DLGAP1: variants seen among roughly 807,000 people sequenced by gnomAD.
DLGAP1 encodes disks large-associated protein 1.
Under a neutral mutation model 90.8 loss-of-function variants are expected in DLGAP1, and 11 were observed. The ratio of observed to expected loss-of-function variants is 0.12; its 90% confidence interval spans 0.08 to 0.20. DLGAP1 has a LOEUF of 0.20. Among genes scored for constraint, DLGAP1 ranks in the 10% least tolerant of loss-of-function variants. DLGAP1 has a pLI of 1.00. For synonymous variants in DLGAP1, 558 were observed against 540.7 expected (o/e 1.03, Z -0.44); for missense variants, 1,050 against 1,333.8 (o/e 0.79, Z 3.31).
intron 5 of DLGAP1, among the ~76,000 whole-genome samples, chr18:3,802,242 CA>C (rs2066339919): frequency 6.7e-6 from 1 of 149,532 alleles, no homozygotes; most frequent in African/African-American, 2.5e-5. Flanking sequence ...CTCGGCCTCC[CA>C]AAGTGTTGGG....
chr18:3,694,930 G>GTTTTTT (rs894181264), intron 7 of DLGAP1, among the ~76,000 whole-genome samples: 1 of 128,028 alleles, frequency 7.8e-6, no homozygotes, highest in Non-Finnish European at 1.7e-5. Context: ...TGCTTTTGGT[G>GTTTTTT]TTTTTTTTGT....
intron 3 of DLGAP1, among the ~76,000 whole-genome samples, chr18:3,932,833 A>G (rs1228435160): frequency 1.3e-5 from 2 of 152,218 alleles, no homozygotes; most frequent in Non-Finnish European, 2.9e-5. Flanking sequence ...TTCAAGAAAG[A>G]AAAAGAATCA....
At chr18:3,814,330 C>A in intron 4 of DLGAP1, 57 bp from the exon 5 acceptor site, 269 of 1,241,232 alleles carry the variant, frequency 2.2e-4, no homozygotes, top group Non-Finnish European at 2.8e-4. Context: ...TTTTTCTTTT[C>A]TTTTTCTTTT....
intron 1 of DLGAP1, among the ~76,000 whole-genome samples, chr18:4,152,247 T>C (rs2076686532): frequency 1.3e-5 from 2 of 152,332 alleles, no homozygotes; most frequent in South Asian, 4.1e-4. Context: ...TATTAAAATA[T>C]TGTCAGAAGG....
intron 8 of DLGAP1, among the ~76,000 whole-genome samples, chr18:3,575,781 GC>G (rs551622092): frequency 9.9e-5 from 15 of 151,984 alleles, no homozygotes; most frequent in Admixed American, 9.2e-4. Context: ...TCCCCACAAT[GC>G]CCCCATCACC....
chr18:4,168,044 T>A (rs749277572), intron 1 of DLGAP1, among the ~76,000 whole-genome samples: 2 of 152,206 alleles, frequency 1.3e-5, no homozygotes, highest in Non-Finnish European at 2.9e-5. Flanking sequence ...ATGCAATTCC[T>A]ATCAAAATCT....
chr18:3,804,048 C>A (rs1370793546), intron 5 of DLGAP1, among the ~76,000 whole-genome samples: 1 of 145,366 alleles, frequency 6.9e-6, no homozygotes, highest in Non-Finnish European at 1.5e-5. Flanking sequence ...GGCTAGGGTA[C>A]AGTGGCAAGA....
chr18:4,279,607 A>T (rs930429976), intron 1 of DLGAP1, among the ~76,000 whole-genome samples: 1 of 152,210 alleles, frequency 6.6e-6, no homozygotes, highest in Admixed American at 6.5e-5. Flanking sequence ...CTGCGTGCCT[A>T]TATGTCCAAT....
intron 1 of DLGAP1, among the ~76,000 whole-genome samples, chr18:4,412,913 C>T (rs1334193621): frequency 2.0e-5 from 3 of 152,176 alleles, no homozygotes; most frequent in Non-Finnish European, 4.4e-5. Flanking sequence ...GGCAATGCTG[C>T]GATGCTCAGT....
At chr18:4,027,611 C>T (rs1281366760) in intron 2 of DLGAP1, among the ~76,000 whole-genome samples, 1 of 149,878 alleles carries the variant, frequency 6.7e-6, no homozygotes, top group African/African-American at 2.5e-5. Context: ...GGGGCATGGT[C>T]AGGATGCAAA....
chr18:4,085,371 C>T (rs533080221), intron 2 of DLGAP1, among the ~76,000 whole-genome samples: 1 of 152,316 alleles, frequency 6.6e-6, no homozygotes, highest in Admixed American at 6.5e-5. Flanking sequence ...GAATCTGCTT[C>T]CTTTTCAGCA....
chr18:3,547,661 A>G (rs1219239490), intron 9 of DLGAP1, among the ~76,000 whole-genome samples: 1 of 152,136 alleles, frequency 6.6e-6, no homozygotes, highest in East Asian at 1.9e-4. Context: ...ACCCTCATAC[A>G]TTGTTGGTGG....
At chr18:4,034,871 C>G (rs1029724426) in intron 2 of DLGAP1, among the ~76,000 whole-genome samples, 1 of 151,938 alleles carries the variant, frequency 6.6e-6, no homozygotes, top group Non-Finnish European at 1.5e-5. Flanking sequence ...CAGACTCTAA[C>G]TACTTTCCCC....
At chr18:4,409,067 A>G (rs898028126) in intron 1 of DLGAP1, among the ~76,000 whole-genome samples, 1 of 152,000 alleles carries the variant, frequency 6.6e-6, no homozygotes, top group African/African-American at 2.4e-5. Flanking sequence ...ATTTAAATAA[A>G]TTATAATATT....
At chr18:4,414,718 T>A (rs2082853647) in intron 1 of DLGAP1, among the ~76,000 whole-genome samples, 2 of 61,694 alleles carry the variant, frequency 3.2e-5, no homozygotes. Flanking sequence ...AGAGCAAGAC[T>A]CTGTCAAAAA....
chr18:4,197,761 C>A (rs1248816615), intron 1 of DLGAP1, among the ~76,000 whole-genome samples: 1 of 152,094 alleles, frequency 6.6e-6, no homozygotes, highest in Admixed American at 6.5e-5. Flanking sequence ...CTTTAGGAAT[C>A]ATTTATCTGC....
rs369792105 is a variant in DLGAP1 at position 4,335,820 on chromosome 18, G to A, written c.-267+119186C>T. 3.1e-4 allele frequency among the ~76,000 whole-genome samples: 47 copies of A among 152,202 alleles called. 1 individual carries two copies. In the South Asian group the frequency reaches 6.8e-3, roughly 22 times the overall value. Reference sequence around the variant, plus strand: ...CAATGTCACAGAATTGAAAGACTGCGTTAGAAAAAAAAGTGTGCACTCTAC... The same window carrying A: ...CAATGTCACAGAATTGAAAGACTGCATTAGAAAAAAAAGTGTGCACTCTAC... On this transcript the variant is annotated intron_variant, in intron 1 of 12. Transcript: ENST00000315677.
Position 3,610,882 on chromosome 18 carries a change from C to CTT in DLGAP1, c.1592-28636_1592-28635dup, listed in dbSNP as rs368972569. Among the ~76,000 whole-genome samples the CTT allele has an allele frequency of 5.5e-3, 799 of 145,638 alleles. 6 individuals carry two copies. The highest frequency in any genetic ancestry group is 0.017 in the African/African-American group (689 of 39,776). ...GGTATAAAAGTATTAACTGTATGGT[C>CTT]TTTTTTTTTTTTGAGTTTTCATATG... On this transcript the variant is annotated intron_variant, in intron 7 of 12. Coordinates refer to ENST00000315677, the MANE Select transcript of DLGAP1 (RefSeq NM_004746.4).
intron 1 of DLGAP1, among the ~76,000 whole-genome samples, chr18:4,438,745 C>T (rs1270536036): frequency 6.6e-6 from 1 of 152,174 alleles, no homozygotes; most frequent in African/African-American, 2.4e-5. Flanking sequence ...TGATTCCTAG[C>T]CTGCTCATCA....
Sources: allele counts gnomAD v4.1 joint callset (sites outside exome capture counted in the v4.1 genomes callset), GRCh38; gene constraint gnomAD v4.1.1; transcripts MANE v1.5; gene names NCBI Gene and HGNC (gene_info 2026-07-23, HGNC 2026-07-21).